ABHD2: variants seen among roughly 807,000 people sequenced by gnomAD.
The protein encoded by ABHD2 is abhydrolase domain containing 2, acylglycerol lipase.
A neutral mutation model predicts 48.1 loss-of-function variants in ABHD2; 20 were observed. The ratio of observed to expected loss-of-function variants is 0.42; its 90% confidence interval spans 0.29 to 0.60. The LOEUF (loss-of-function observed/expected upper bound fraction) is 0.60. ABHD2 is among the 20% of genes least tolerant of loss of function. ABHD2 has a pLI of 0.24. For missense variants in ABHD2, 405 were observed against 550.9 expected (o/e 0.74, Z 2.65); for synonymous variants, 209 against 214.2 (o/e 0.98, Z 0.21).
At chr15:89,108,388 T>C (rs1255466780) in intron 1 of ABHD2, among the ~76,000 whole-genome samples, 1 of 152,220 alleles carries the variant, frequency 6.6e-6, no homozygotes, top group Non-Finnish European at 1.5e-5. Context: ...ATCTGTGTCT[T>C]TGTATCCAGA....
chr15:89,062,739 T>C, the ABHD2 span, among the ~76,000 whole-genome samples: 89 of 152,142 alleles, frequency 5.8e-4, no homozygotes, highest in African/African-American at 2.1e-3. Flanking sequence ...TGGGGAGTGG[T>C]TCTAAGACTA....
intron 3 of ABHD2, among the ~76,000 whole-genome samples, chr15:89,141,633 G>A (rs1458659903): frequency 1.3e-5 from 2 of 151,908 alleles, no homozygotes; most frequent in Non-Finnish European, 2.9e-5. Context: ...AAAAAAAAAA[G>A]TTAAAGCAGG....
At chr15:89,157,338 T>C (rs988460261) in intron 5 of ABHD2, among the ~76,000 whole-genome samples, 3 of 152,216 alleles carry the variant, frequency 2.0e-5, no homozygotes, top group Admixed American at 6.5e-5. Flanking sequence ...CCAATTACGT[T>C]GCCACTGGTA....
chr15:89,177,372 G>A lies in ABHD2; in HGVS notation c.722+1377G>A, dbSNP rs572074909. ...TTCGATCGGCGGATCACAAAGACCG[G>A]TCCAGTGAACTAGTGACTGCCTCAC... is the stretch of plus-strand genomic sequence containing the variant. On this transcript the variant is annotated intron_variant, in intron 6 of 10. Coordinates refer to ENST00000352732, the MANE Select transcript of ABHD2 (RefSeq NM_152924.5). The surrounding 1 kb of genome is among the most constrained non-coding windows in gnomAD (Gnocchi z 5.6). 6.6e-6 allele frequency among the ~76,000 whole-genome samples: 1 copy of A among 152,184 alleles called. No individual in the cohort carries two copies. The highest frequency in any genetic ancestry group is 1.5e-5 in the Non-Finnish European group (1 of 68,044).
the ABHD2 span, among the ~76,000 whole-genome samples, chr15:89,041,470 A>T: frequency 0.48 from 72,995 of 152,178 alleles, 19,291 homozygotes; most frequent in African/African-American, 0.72. Flanking sequence ...CTAAGGGCAC[A>T]GAGGCACCAG....
In ABHD2 at chr15:89,170,080, C is replaced by CTTTTTTTTTTTTTTTT. The variant is rs748983183; in HGVS notation, c.539-5714_539-5699dup. Among the ~76,000 whole-genome samples the CTTTTTTTTTTTTTTTT allele has an allele frequency of 2.4e-4, 9 of 37,484 alleles. 3 individuals are homozygous for CTTTTTTTTTTTTTTTT. The highest frequency in any genetic ancestry group is 1.1e-3 in the Admixed American group (2 of 1,852). The allele number at this position is 37,484 out of a possible 152,430, so 24.6% of individuals were successfully genotyped here. ...GAGCCATTCCATGTCAGATCAGATTCTTTTTTTTTTTTTTTTTTTTTTTTT... is the reference window on the plus strand; with the variant it reads ...GAGCCATTCCATGTCAGATCAGATTCTTTTTTTTTTTTTTTTTTTTTTTTTTTTTTTTTTTTTTTTT... On this transcript the variant is annotated intron_variant, in intron 5 of 10. Coordinates refer to ENST00000352732, the MANE Select transcript of ABHD2 (RefSeq NM_152924.5).
At chr15:89,107,393 CTAGTGAGTTCA>C (rs2049803195) in intron 1 of ABHD2, among the ~76,000 whole-genome samples, 1 of 152,098 alleles carries the variant, frequency 6.6e-6, no homozygotes, top group South Asian at 2.1e-4. Context: ...AGTTAATCAG[CTAGTGAGTTCA>C]TTGCTAATGA....
chr15:89,087,521 G>C (rs1304150304), upstream of ABHD2: 1 of 152,304 alleles, frequency 6.6e-6, no homozygotes, highest in Non-Finnish European at 1.5e-5. This position sits in a 1 kb window ranked among gnomAD's most constrained non-coding sequence, Gnocchi z 5.5. Flanking sequence ...GATGAGGTGA[G>C]TGGGTGATGG....
rs373028732 is a variant in ABHD2, at chr15:89,088,940, G to A, written c.-107+377G>A. 3.9e-5 allele frequency among the ~76,000 whole-genome samples: 6 copies of A among 152,352 alleles called. No homozygotes were observed. In the East Asian group the frequency reaches 1.2e-3, roughly 29 times the overall value. ...AAGGTCCGGGATCCGCACCTGGAAG[G>A]AGAGGGCCGAGGGGCCTGATTACAG... On this transcript the variant is annotated intron_variant, in intron 1 of 10. Coordinates refer to ENST00000352732, the MANE Select transcript of ABHD2 (RefSeq NM_152924.5). The surrounding 1 kb of genome is among the most constrained non-coding windows in gnomAD (Gnocchi z 6.8).
intron 6 of ABHD2, among the ~76,000 whole-genome samples, chr15:89,180,375 G>A (rs2051088853): frequency 6.6e-6 from 1 of 152,116 alleles, no homozygotes; most frequent in Non-Finnish European, 1.5e-5. Context: ...AGGAAGAAAG[G>A]GGCTTGGTAG....
At chr15:89,183,266 T>C (rs1376424986) in intron 6 of ABHD2, 1 of 151,586 alleles carries the variant, frequency 6.6e-6, no homozygotes, top group Admixed American at 6.6e-5. Context: ...TGCCTACATA[T>C]GCATTTATTG....
Position 89,160,492 on chromosome 15 carries a change from G to GTT in ABHD2, c.538+4969_538+4970dup, listed in dbSNP as rs34084756. Among the ~76,000 whole-genome samples, 802 of 144,116 alleles carry GTT rather than the reference G, an allele frequency of 5.6e-3. 12 individuals are homozygous for GTT. The highest frequency in any genetic ancestry group is 0.019 in the African/African-American group (745 of 39,892). The allele number at this position is 144,116 out of a possible 152,430, so 94.5% of individuals were successfully genotyped here. A position where few individuals can be genotyped will look rare whatever the true frequency, so the allele number is the denominator to read the frequency against. On this transcript the variant is annotated intron_variant, in intron 5 of 10. Transcript: ENST00000352732. The stretch of plus-strand genomic sequence containing the variant: ...AGAGTATGCTCTTGTCTGCCTACCT[G>GTT]TTTTTTTTTTTTCTTTTTTCATTTG...
At chr15:89,130,570 A>G (rs763131766) in intron 3 of ABHD2, among the ~76,000 whole-genome samples, 3 of 152,194 alleles carry the variant, frequency 2.0e-5, no homozygotes, top group African/African-American at 4.8e-5. Context: ...ACTACAAACC[A>G]TGGCTTTAGG....
At chr15:89,136,176 G>A (rs530083787) in intron 3 of ABHD2, 17 of 223,996 alleles carry the variant, frequency 7.6e-5, no homozygotes, top group Admixed American at 4.7e-4. Flanking sequence ...TGATCTACCC[G>A]CCTCAGCCTC....
intron 1 of ABHD2, among the ~76,000 whole-genome samples, chr15:89,099,794 C>T (rs1345719232): frequency 1.3e-5 from 2 of 151,674 alleles, no homozygotes; most frequent in Non-Finnish European, 2.9e-5. Context: ...GTCCCAGCTA[C>T]TCGGGAGGCT....
intron 3 of ABHD2, among the ~76,000 whole-genome samples, chr15:89,122,239 TTC>T (rs1290302886): frequency 6.6e-6 from 1 of 152,224 alleles, no homozygotes; most frequent in Middle Eastern, 3.2e-3. Context: ...AACATATAAC[TTC>T]TGTGTCCGTT....
At position 89,100,118 on chromosome 15, in the gene ABHD2, A is replaced by G. The variant is rs2049678657; in HGVS notation, c.-107+11555A>G. ...CATGTTACCTGTAGAAGACATTTAA[A>G]TTAGCATTGATCATGATTGCTCACA... On this transcript the variant is annotated intron_variant, in intron 1 of 10. Transcript: ENST00000352732. This position sits in a 1 kb window ranked among gnomAD's most constrained non-coding sequence, Gnocchi z 4.4. 6.6e-6 allele frequency among the ~76,000 whole-genome samples: 1 copy of G among 152,078 alleles called. No homozygotes were observed.
the ABHD2 span, among the ~76,000 whole-genome samples, chr15:89,078,404 T>A: frequency 6.6e-6 from 1 of 152,152 alleles, no homozygotes; most frequent in Admixed American, 6.5e-5. Context: ...AAGGGAAAAA[T>A]TAAGCTTGGA....
chr15:89,122,867 A>T (rs2050073563), intron 3 of ABHD2, among the ~76,000 whole-genome samples: 2 of 152,208 alleles, frequency 1.3e-5, no homozygotes. Context: ...GAGGAGTGTG[A>T]TGGAGGACTT....
Sources: gnomAD v4.1 joint callset for allele counts (sites outside exome capture counted in the v4.1 genomes callset) on GRCh38, gnomAD v4.1.1 for gene constraint, Gnocchi (gnomAD v3.1) non-coding constraint, MANE v1.5 for transcripts, NCBI Gene and HGNC (gene_info 2026-07-23, HGNC 2026-07-21) for gene names.